Variants in STARD13 observed in about 807,000 individuals in gnomAD.
The protein encoded by STARD13 is StAR related lipid transfer domain containing 13, also known as stAR-related lipid transfer protein 13.
In STARD13, 62 loss-of-function variants were observed where a neutral mutation model predicts 106.4. The observed-to-expected ratio is 0.58, with a 90% CI of 0.48 to 0.72. The LOEUF is 0.72. STARD13 is among the 30% of genes least tolerant of loss of function. The pLI is 0.00. For missense variants in STARD13, 1,387 were observed against 1,424.0 expected (o/e 0.97, Z 0.42); for synonymous variants, 565 against 553.0 (o/e 1.02, Z -0.31).
At chr13:33,522,672 T>C in the STARD13 span, among the ~76,000 whole-genome samples, 1 of 152,202 alleles carries the variant, frequency 6.6e-6, no homozygotes. Context: ...CCCTTGGTAA[T>C]ATGCATTACC....
chr13:33,150,617 C>T (rs747074660), intron 3 of STARD13, among the ~76,000 whole-genome samples: 7 of 152,230 alleles, frequency 4.6e-5, no homozygotes, highest in African/African-American at 1.7e-4. Flanking sequence ...ACCCTCTCTA[C>T]TTTCTCCATG....
upstream of STARD13, among the ~76,000 whole-genome samples, chr13:33,287,405 TC>T (rs1262942429): frequency 6.6e-6 from 1 of 152,154 alleles, no homozygotes; most frequent in Non-Finnish European, 1.5e-5. Flanking sequence ...GTCAGCCTCT[TC>T]GGGTGGTTAC....
Position 33,117,848 on chromosome 13 carries a change from G to C in STARD13, c.2281+217C>G, listed in dbSNP as rs539218324. The C allele has an allele frequency of 1.6e-5, 16 of 985,134 alleles. No homozygotes were observed. The African/African-American group carries it at 2.6e-4, about 16-fold the overall frequency. The allele number at this position is 985,134 out of a possible 1,614,324, so 61.0% of individuals were successfully genotyped here. A position where few individuals can be genotyped will look rare whatever the true frequency, so the allele number is the denominator to read the frequency against. ...AAACTCTTTTGAGAAGGAATATTTT[G>C]ATGTCAAAAAGGTATTTTCAAATGC... On this transcript the variant is annotated intron_variant, in intron 8 of 13. Coordinates refer to ENST00000336934, the MANE Select transcript of STARD13 (RefSeq NM_178006.4).
chr13:33,303,196 A>C (rs1287627364), intron 1 of STARD13, among the ~76,000 whole-genome samples: 1 of 152,168 alleles, frequency 6.6e-6, no homozygotes, highest in African/African-American at 2.4e-5. Context: ...TTTCTGGCAT[A>C]GTCATTGGGC....
At chr13:33,409,622 T>C in the STARD13 span, among the ~76,000 whole-genome samples, 2 of 152,246 alleles carry the variant, frequency 1.3e-5, no homozygotes, top group African/African-American at 4.8e-5. Flanking sequence ...TACTGCCTTT[T>C]CTACTCTGTT....
the STARD13 span, among the ~76,000 whole-genome samples, chr13:33,458,815 CTTTTTTTTTT>C: frequency 8.8e-6 from 1 of 113,516 alleles, no homozygotes; most frequent in Non-Finnish European, 1.8e-5. Context: ...AACATGTTTA[CTTTTTTTTTT>C]TTTTTTTTTT....
chr13:33,142,425 C>T (rs751745224), intron 3 of STARD13, 52 bp from the exon 4 acceptor site: 39 of 1,495,514 alleles, frequency 2.6e-5, no homozygotes, highest in Non-Finnish European at 3.6e-5. Flanking sequence ...ATTTAAATCT[C>T]TCCAGTTTGA....
the STARD13 span, among the ~76,000 whole-genome samples, chr13:33,431,325 T>G: frequency 6.6e-6 from 1 of 152,162 alleles, no homozygotes; most frequent in Non-Finnish European, 1.5e-5. Flanking sequence ...ATACAAAATT[T>G]CAATAATTTT....
intron 3 of STARD13, among the ~76,000 whole-genome samples, chr13:33,162,673 C>T (rs1455756813): frequency 6.6e-6 from 1 of 152,182 alleles, no homozygotes; most frequent in African/African-American, 2.4e-5. Flanking sequence ...ACAAGAGTCA[C>T]CTTTGCTCCT....
At chr13:33,299,345 C>G (rs1418071249) in intron 1 of STARD13, among the ~76,000 whole-genome samples, 2 of 152,174 alleles carry the variant, frequency 1.3e-5, no homozygotes, top group Admixed American at 6.5e-5. Flanking sequence ...ATTTAAATAA[C>G]ACAATGGTGA....
chr13:33,205,642 A>G (rs1465085208), intron 1 of STARD13, among the ~76,000 whole-genome samples: 1 of 152,254 alleles, frequency 6.6e-6, no homozygotes. Flanking sequence ...GAGTAGCCAA[A>G]ATGACAGTCA....
the STARD13 span, among the ~76,000 whole-genome samples, chr13:33,649,138 T>G: frequency 6.6e-6 from 1 of 152,190 alleles, no homozygotes; most frequent in Non-Finnish European, 1.5e-5. Flanking sequence ...GAACAAATTA[T>G]CTAGGATCTT....
chr13:33,427,480 G>A, the STARD13 span, among the ~76,000 whole-genome samples: 1 of 152,114 alleles, frequency 6.6e-6, no homozygotes, highest in Admixed American at 6.6e-5. Context: ...CCACACTGGT[G>A]GCACGCCAGT....
In STARD13 at chr13:33,118,050, A is replaced by G; in HGVS notation, c.2281+15T>C. ...GGATGCCCACGAGAACACCAATCTCATTATTTCCACTTACACTGATAGATA... is the reference window on the plus strand; with the variant it reads ...GGATGCCCACGAGAACACCAATCTCGTTATTTCCACTTACACTGATAGATA... On this transcript the variant is annotated intron_variant, in intron 8 of 13. Transcript: ENST00000336934. 4 of 1,612,428 alleles carry G rather than the reference A, an allele frequency of 2.5e-6. No individual in the cohort carries two copies. The highest frequency in any genetic ancestry group is 3.4e-6 in the Non-Finnish European group (4 of 1,178,446).
the STARD13 span, chr13:33,676,592 T>A: frequency 6.6e-6 from 1 of 152,240 alleles, no homozygotes; most frequent in African/African-American, 2.4e-5. Context: ...TAGAGTTTCA[T>A]ATTAAACAAC....
At position 33,130,819 on chromosome 13, in the gene STARD13, C is replaced by G. The variant is rs1044260308; in HGVS notation, c.388-530G>C. Among the ~76,000 whole-genome samples the G allele has an allele frequency of 1.3e-5, 2 of 152,174 alleles. No individual in the cohort carries two copies. Among genetic ancestry groups the G allele is most frequent in the Admixed American group, 1.3e-4 (2 of 15,272 alleles). ...TTAGTCCCCTGCACTTGATTCTTAT[C>G]GTGTATTCCCTGGATAAGGTAACAG... On this transcript the variant is annotated intron_variant, in intron 4 of 13. Transcript: ENST00000336934. This position sits in a 1 kb window ranked among gnomAD's most constrained non-coding sequence, Gnocchi z 4.1.
intron 1 of STARD13, among the ~76,000 whole-genome samples, chr13:33,226,454 T>A (rs796277120): frequency 0.016 from 2,288 of 142,886 alleles, 58 homozygotes; most frequent in African/African-American, 0.053. Context: ...TTTTTTTTTT[T>A]AGATGAATAT....
chr13:33,406,790 T>C, the STARD13 span, among the ~76,000 whole-genome samples: 4 of 152,128 alleles, frequency 2.6e-5, no homozygotes, highest in African/African-American at 9.7e-5. Context: ...TAAAGGACCC[T>C]TGTTGATAGT....
chr13:33,451,729 AAG>A, the STARD13 span, among the ~76,000 whole-genome samples: 1 of 152,242 alleles, frequency 6.6e-6, no homozygotes, highest in African/African-American at 2.4e-5. Flanking sequence ...TACCGAGAAT[AAG>A]AGAGGTAAAG....
Sources: gnomAD v4.1 joint callset for allele counts (sites outside exome capture counted in the v4.1 genomes callset) on GRCh38, gnomAD v4.1.1 for gene constraint, Gnocchi (gnomAD v3.1) non-coding constraint, MANE v1.5 for transcripts, NCBI Gene and HGNC (gene_info 2026-07-23, HGNC 2026-07-21) for gene names.